Variants in NCOA2 observed in about 807,000 individuals in gnomAD.
The protein encoded by NCOA2 is nuclear receptor coactivator 2, also known as class E basic helix-loop-helix protein 75.
A neutral mutation model predicts 145.1 loss-of-function variants in NCOA2; 21 were observed. That is an observed-to-expected ratio of 0.14 (90% confidence interval 0.10 to 0.21). The LOEUF (loss-of-function observed/expected upper bound fraction) is 0.21. Ranked by LOEUF, NCOA2 falls within the 10% of genes least tolerant of loss-of-function variation. The pLI is 1.00. For missense variants in NCOA2, 1,472 were observed against 1,837.6 expected (o/e 0.80, Z 3.64); for synonymous variants, 619 against 637.5 (o/e 0.97, Z 0.44).
At chr8:70,175,550 T>G (rs759818400) in intron 4 of NCOA2, among the ~76,000 whole-genome samples, 1 of 152,228 alleles carries the variant, frequency 6.6e-6, no homozygotes, top group East Asian at 1.9e-4. Flanking sequence ...TTTAGGCTCA[T>G]GAAGACAGGA....
intron 15 of NCOA2, among the ~76,000 whole-genome samples, chr8:70,134,044 C>T (rs371487382): frequency 5.9e-5 from 9 of 152,180 alleles, no homozygotes; most frequent in African/African-American, 9.7e-5. Context: ...TTCCCACTCC[C>T]GCCCCTTTCT....
intron 1 of NCOA2, among the ~76,000 whole-genome samples, chr8:70,382,798 C>T (rs1208240950): frequency 6.6e-6 from 1 of 152,160 alleles, no homozygotes; most frequent in Non-Finnish European, 1.5e-5. Flanking sequence ...GTCTGTACCA[C>T]AGAGATTCTT....
chr8:70,116,887 C>T (rs1807201576), intron 22 of NCOA2, among the ~76,000 whole-genome samples: 1 of 152,176 alleles, frequency 6.6e-6, no homozygotes, highest in Admixed American at 6.5e-5. Flanking sequence ...CAGAGAGGTG[C>T]TGTGTCGCCC....
chr8:70,349,673 G>C (rs548989414), intron 1 of NCOA2, among the ~76,000 whole-genome samples: 3 of 152,066 alleles, frequency 2.0e-5, no homozygotes, highest in Admixed American at 1.3e-4. Flanking sequence ...GATTCTGTCT[G>C]ACACTAAATG....
chr8:70,124,107 T>C lies in NCOA2; in HGVS notation c.4095-25A>G, dbSNP rs369486869. On this transcript the variant is annotated intron_variant, in intron 20 of 22. Transcript: ENST00000452400. ...GCTGGAATACAATGGAAAGATTGAA[T>C]GAATGTTACAGCTTGCTGGTATCCA... is the stretch of plus-strand genomic sequence containing the variant. 1,275 of 1,604,356 alleles carry C rather than the reference T, an allele frequency of 7.9e-4. 12 individuals carry two copies. The South Asian group carries it at 0.013, about 17-fold the overall frequency.
rs539369424 is a variant in NCOA2 at position 70,301,163 on chromosome 8, A to G, written c.-76-4363T>C. Among the ~76,000 whole-genome samples, 10 of 152,320 alleles carry G rather than the reference A, an allele frequency of 6.6e-5. No homozygotes were observed. In the South Asian group the frequency reaches 2.1e-3, roughly 32 times the overall value. ...AAATGGCAGAAATGTGACCAACCTG[A>G]AAACTGCCTTCTTGAGGTTTTTGGT... On this transcript the variant is annotated intron_variant, in intron 1 of 22. Transcript: ENST00000452400.
chr8:70,155,434 T>A (rs1812171110), intron 11 of NCOA2, among the ~76,000 whole-genome samples: 1 of 152,232 alleles, frequency 6.6e-6, no homozygotes, highest in Non-Finnish European at 1.5e-5. Context: ...TTCAAGGAAG[T>A]GATTATCTCC....
At chr8:70,295,929 A>G (rs978417827) in intron 2 of NCOA2, among the ~76,000 whole-genome samples, 14 of 152,250 alleles carry the variant, frequency 9.2e-5, no homozygotes, top group Non-Finnish European at 1.3e-4. Context: ...TGGGTGAAAG[A>G]GCGAGATTCC....
intron 4 of NCOA2, among the ~76,000 whole-genome samples, chr8:70,187,444 C>T (rs1816202043): frequency 6.6e-6 from 1 of 152,156 alleles, no homozygotes; most frequent in Non-Finnish European, 1.5e-5. Context: ...AATACAAGGA[C>T]TGTTTAAGCA....
At position 70,157,082 on chromosome 8, in the gene NCOA2, T is replaced by C. The variant is rs1342457614; in HGVS notation, c.1283A>G (p.Asn428Ser). 6.2e-7 allele frequency: 1 copy of C among 1,613,990 alleles called. No homozygotes were observed. Among genetic ancestry groups the C allele is most frequent in the Admixed American group, 1.7e-5 (1 of 60,018 alleles). The change falls in exon 11 of 23, where the codon AAT becomes AGT. Residue 428 changes from asparagine (N) to serine (S), a missense_variant. Physicochemically the swap from Asn to Ser is conservative, Grantham distance 46. Around this residue, in one of 4 missense-constraint regions of NCOA2, gnomAD observed 953 missense variants for 1,062.1 expected, o/e 0.90. Transcript: ENST00000452400. ...TLSSNINFPI[N>S]GPKEQMGMPM... ...CATGCCCATTTGTTCCTTTGGGCCATTTATGGGAAAATTTATATTGCTACT... is the reference window on the plus strand; with the variant it reads ...CATGCCCATTTGTTCCTTTGGGCCACTTATGGGAAAATTTATATTGCTACT...
intron 2 of NCOA2, among the ~76,000 whole-genome samples, chr8:70,244,333 C>T (rs1230532800): frequency 1.3e-5 from 2 of 152,090 alleles, no homozygotes; most frequent in Non-Finnish European, 2.9e-5. Flanking sequence ...TCAAGTGCTA[C>T]ATTTTCCAAG....
chr8:70,361,000 C>A (rs1452566745), intron 1 of NCOA2, among the ~76,000 whole-genome samples: 1 of 151,248 alleles, frequency 6.6e-6, no homozygotes, highest in Non-Finnish European at 1.5e-5. Flanking sequence ...TGGCCTCTGG[C>A]CAAACACACT....
intron 14 of NCOA2, among the ~76,000 whole-genome samples, chr8:70,139,371 T>A (rs1280168749): frequency 6.6e-6 from 1 of 152,196 alleles, no homozygotes; most frequent in Non-Finnish European, 1.5e-5. Context: ...GGATATAAGG[T>A]ACTCACTATT....
At chr8:70,214,136 A>T in intron 3 of NCOA2, 61 bp from the exon 4 acceptor site, 1 of 1,471,354 alleles carries the variant, frequency 6.8e-7, no homozygotes, top group East Asian at 2.3e-5. Flanking sequence ...GAAAAAAATG[A>T]ACGTGTTAAA....
At chr8:70,229,312 A>T (rs1323456176) in intron 2 of NCOA2, among the ~76,000 whole-genome samples, 1 of 152,272 alleles carries the variant, frequency 6.6e-6, no homozygotes, top group Admixed American at 6.5e-5. Flanking sequence ...GGAAGAAGAT[A>T]CAAGTATGGA....
intron 2 of NCOA2, among the ~76,000 whole-genome samples, chr8:70,261,690 A>C (rs1023667866): frequency 6.6e-6 from 1 of 152,192 alleles, no homozygotes; most frequent in African/African-American, 2.4e-5. Context: ...AAAAGGGAAT[A>C]ATCACAATAA....
At chr8:70,175,263 C>T (rs1292899744) in intron 4 of NCOA2, among the ~76,000 whole-genome samples, 1 of 152,234 alleles carries the variant, frequency 6.6e-6, no homozygotes, top group Non-Finnish European at 1.5e-5. Context: ...GATAGATTTG[C>T]ACACATTTGA....
intron 2 of NCOA2, among the ~76,000 whole-genome samples, chr8:70,296,212 G>A (rs1827081143): frequency 5.9e-5 from 9 of 152,156 alleles, no homozygotes; most frequent in Admixed American, 5.9e-4. Flanking sequence ...TAAATATTGT[G>A]ATAAAAATCA....
Position 70,273,515 on chromosome 8 carries a change from T to A in NCOA2, c.-20+23229A>T, listed in dbSNP as rs1434610783. 6 of 679,650 alleles carry A rather than the reference T, an allele frequency of 8.8e-6. No homozygotes were observed. The East Asian group carries it at 1.6e-4, about 18-fold the overall frequency. 42.1% of individuals were successfully genotyped at this position (679,650 alleles called of 1,614,324 possible). ...AAAACGTCAGTTCTCCTTAAAGAAG[T>A]TAGAAATCTCTGGCATTGAAGAGGT... On this transcript the variant is annotated intron_variant, in intron 2 of 22. Coordinates refer to ENST00000452400, the MANE Select transcript of NCOA2 (RefSeq NM_006540.4).
Sources: allele counts gnomAD v4.1 joint callset (sites outside exome capture counted in the v4.1 genomes callset), GRCh38; gene constraint gnomAD v4.1.1; regional missense constraint gnomAD v4.1.1; transcripts MANE v1.5; gene names NCBI Gene and HGNC (gene_info 2026-07-23, HGNC 2026-07-21).